Variants in SEMA6D observed in about 807,000 individuals in gnomAD.
SEMA6D encodes semaphorin-6D.
A neutral mutation model predicts 106.6 loss-of-function variants in SEMA6D; 35 were observed. The ratio of observed to expected loss-of-function variants is 0.33; its 90% confidence interval spans 0.25 to 0.44. SEMA6D has a LOEUF of 0.44. Among genes scored for constraint, SEMA6D ranks in the 20% least tolerant of loss-of-function variants. SEMA6D has a pLI of 1.00. For missense variants in SEMA6D, 1,185 were observed against 1,345.9 expected, an observed-to-expected ratio of 0.88 and a Z score of 1.87; for synonymous variants, 499 against 487.7, an observed-to-expected ratio of 1.02 and a Z score of -0.31.
intron 2 of SEMA6D, among the ~76,000 whole-genome samples, chr15:47,460,338 A>T (rs565241858): frequency 3.9e-5 from 6 of 152,220 alleles, no homozygotes; most frequent in African/African-American, 1.4e-4. Flanking sequence ...GTGAAGATTT[A>T]AGCCAACAAG....
rs578115469 is a variant in SEMA6D, at chr15:47,437,860, T to G, written c.-159+25388T>G. Among the ~76,000 whole-genome samples, 12 of 152,256 alleles carry G rather than the reference T, an allele frequency of 7.9e-5. No individual in the cohort carries two copies. The South Asian group carries it at 2.5e-3, about 32-fold the overall frequency. ...ACCAAAAATAACCCCTTAAAATTATTTTATTCATGAGCCTGTTATAGAAAT... is the reference window on the plus strand; with the variant it reads ...ACCAAAAATAACCCCTTAAAATTATGTTATTCATGAGCCTGTTATAGAAAT... On this transcript the variant is annotated intron_variant, in intron 2 of 19. Transcript: ENST00000558014.
rs774075829 is a variant in SEMA6D, at chr15:47,730,015, T to C, written c.-55+12323T>C. The stretch of plus-strand genomic sequence containing the variant: ...TCTATATGACCTCCAGAGTTCTTTC[T>C]AGTAGTGAGATCCCTTAATGCTATG... On this transcript the variant is annotated intron_variant, in intron 1 of 18. Coordinates refer to ENST00000536845, the MANE Select transcript of SEMA6D (RefSeq NM_001358351.3). 153 of 543,954 alleles carry C rather than the reference T, an allele frequency of 2.8e-4. 1 individual carries two copies. Among genetic ancestry groups the C allele is most frequent in the Middle Eastern group, 5.0e-4 (1 of 1,992 alleles). The allele number at this position is 543,954 out of a possible 1,614,324, so 33.7% of individuals were successfully genotyped here.
chr15:47,391,136 G>A (rs281293), intron 1 of SEMA6D, among the ~76,000 whole-genome samples: 76,289 of 151,972 alleles, frequency 0.5, 22,699 homozygotes, highest in African/African-American at 0.84. Context: ...AGATATTCCA[G>A]GTCCTCTACC....
At chr15:47,480,717 T>A (rs1253586590) in intron 3 of SEMA6D, among the ~76,000 whole-genome samples, 1 of 152,204 alleles carries the variant, frequency 6.6e-6, no homozygotes, top group Non-Finnish European at 1.5e-5. Flanking sequence ...TGTGTTTATT[T>A]ATTCTTAGAC....
intron 1 of SEMA6D, among the ~76,000 whole-genome samples, chr15:47,321,572 T>C (rs1480381244): frequency 1.3e-5 from 2 of 152,198 alleles, no homozygotes; most frequent in Non-Finnish European, 2.9e-5. Context: ...ACATTTTTTA[T>C]ATTCCACATA....
intron 1 of SEMA6D, among the ~76,000 whole-genome samples, chr15:47,202,458 T>C: frequency 6.6e-6 from 1 of 152,020 alleles, no homozygotes; most frequent in African/African-American, 2.4e-5. Context: ...TGAGCATGTG[T>C]ACAACTCCAG....
At chr15:47,484,648 G>A (rs935035443) in intron 3 of SEMA6D, among the ~76,000 whole-genome samples, 3 of 152,124 alleles carry the variant, frequency 2.0e-5, no homozygotes, top group African/African-American at 7.2e-5. Flanking sequence ...AGTCACTCAA[G>A]CCATGAAGAT....
chr15:47,450,800 G>T (rs2042167577), intron 2 of SEMA6D, among the ~76,000 whole-genome samples: 1 of 152,178 alleles, frequency 6.6e-6, no homozygotes, highest in African/African-American at 2.4e-5. Context: ...AGAGAGGTCT[G>T]TGACTTTCTT....
intron 1 of SEMA6D, among the ~76,000 whole-genome samples, chr15:47,250,328 AAGAG>A (rs1203380728): frequency 6.6e-6 from 1 of 150,894 alleles, no homozygotes; most frequent in African/African-American, 2.4e-5. Context: ...AGAGCATTAA[AAGAG>A]AGAGAGAGAG....
chr15:47,671,502 A>G (rs2078136960), intron 4 of SEMA6D, among the ~76,000 whole-genome samples: 1 of 152,204 alleles, frequency 6.6e-6, no homozygotes, highest in Admixed American at 6.5e-5. Context: ...AAAAGTGATG[A>G]TGACCACTGG....
chr15:47,689,480 A>G (rs929066929), intron 4 of SEMA6D, among the ~76,000 whole-genome samples: 1 of 152,242 alleles, frequency 6.6e-6, no homozygotes, highest in African/African-American at 2.4e-5. Flanking sequence ...TAGAATAGGA[A>G]TCCTGGGCTT....
intron 1 of SEMA6D, among the ~76,000 whole-genome samples, chr15:47,200,011 G>T (rs902526922): frequency 6.6e-6 from 1 of 152,040 alleles, no homozygotes; most frequent in Non-Finnish European, 1.5e-5. Context: ...AGCCAGTTGC[G>T]GTAGAACTGA....
At chr15:47,375,983 G>T (rs1362232081) in intron 1 of SEMA6D, among the ~76,000 whole-genome samples, 1 of 152,174 alleles carries the variant, frequency 6.6e-6, no homozygotes, top group Non-Finnish European at 1.5e-5. Flanking sequence ...GCTTGTGGTT[G>T]TAAATTGTTT....
chr15:47,674,625 C>T (rs1310418450), intron 4 of SEMA6D, among the ~76,000 whole-genome samples: 1 of 152,190 alleles, frequency 6.6e-6, no homozygotes, highest in Non-Finnish European at 1.5e-5. Flanking sequence ...CACTCAGGAT[C>T]ACTCATTAGA....
intron 1 of SEMA6D, among the ~76,000 whole-genome samples, chr15:47,291,928 C>T (rs563832455): frequency 4.6e-5 from 7 of 152,238 alleles, no homozygotes; most frequent in African/African-American, 9.6e-5. Context: ...TCTGTTCTCG[C>T]GTGAAATCAA....
intron 6 of SEMA6D, 32 bp downstream of exon 6, chr15:47,761,463 G>T: frequency 6.5e-7 from 1 of 1,538,180 alleles, no homozygotes; most frequent in South Asian, 1.2e-5. Flanking sequence ...TGCTTCTTTT[G>T]ATCAACTTTT....
intron 1 of SEMA6D, among the ~76,000 whole-genome samples, chr15:47,218,945 T>C (rs2141336249): frequency 6.6e-6 from 1 of 152,348 alleles, no homozygotes; most frequent in Admixed American, 6.5e-5. Context: ...CCATGTTTCT[T>C]CTGTCGATTG....
chr15:47,551,673 CTGTGTG>C (rs3050565), intron 3 of SEMA6D, among the ~76,000 whole-genome samples: 1 of 141,252 alleles, frequency 7.1e-6, no homozygotes. Flanking sequence ...ATCTGGGACT[CTGTGTG>C]TGTGTGTGTG....
intron 4 of SEMA6D, among the ~76,000 whole-genome samples, chr15:47,682,837 T>C (rs537563448): frequency 3.3e-5 from 5 of 152,292 alleles, no homozygotes; most frequent in African/African-American, 1.2e-4. Flanking sequence ...AAATGTCCAC[T>C]GGTAGAGATG....
Sources: allele counts gnomAD v4.1 joint callset (sites outside exome capture counted in the v4.1 genomes callset), GRCh38; gene constraint gnomAD v4.1.1; transcripts MANE v1.5; gene names NCBI Gene and HGNC (gene_info 2026-07-23, HGNC 2026-07-21).